The following PKM variants were observed in gnomAD, a reference collection of about 807,000 sequenced individuals.
The protein encoded by PKM is pyruvate kinase M1/2.
Under a neutral mutation model 49.8 loss-of-function variants are expected in PKM, and 18 were observed. The ratio of observed to expected loss-of-function variants is 0.36; its 90% CI spans 0.25 to 0.54. PKM has a LOEUF of 0.54. Ranked by LOEUF, PKM falls within the 20% of genes least tolerant of loss-of-function variation. The pLI is 0.89. For synonymous variants in PKM, 239 were observed against 261.8 expected (o/e 0.91, Z 0.84); for missense variants, 508 against 713.8 (o/e 0.71, Z 3.28).
chr15:72,231,075 C>T, intron 1 of PKM, 41 bp downstream of exon 1: 1 of 635,190 alleles, frequency 1.6e-6, no homozygotes, highest in Non-Finnish European at 2.5e-6. Flanking sequence ...GGCGACTGGC[C>T]CTTGGTGGGG....
At position 72,207,238 on chromosome 15, in the gene PKM, C is replaced by G; in HGVS notation, c.876G>C (p.Val292=). ...TCTCAATGCCTAGATCACCACGAGC[C>G]ACCATGATCCCATCACTGGCCTCCA... ...EILEASDGIM[V]ARGDLGIEIP... is the part of the protein sequence containing the mutation. Residue 292 remains valine, a synonymous_variant, in exon 7 of 11, where the codon GTG becomes GTC. Transcript: ENST00000335181. The G allele has an allele frequency of 6.2e-7, 1 of 1,614,164 alleles. No homozygotes were observed. The highest frequency in any genetic ancestry group is 8.5e-7 in the Non-Finnish European group (1 of 1,180,004).
chr15:72,228,376 C>CTTTTT (rs10656443), intron 1 of PKM, among the ~76,000 whole-genome samples: 5 of 118,842 alleles, frequency 4.2e-5, no homozygotes, highest in Non-Finnish European at 6.6e-5. Context: ...TTAGTTGTGG[C>CTTTTT]TTTTTTTTTT....
intron 6 of PKM, among the ~76,000 whole-genome samples, chr15:72,208,159 C>T (rs1405018808): frequency 6.6e-6 from 1 of 152,130 alleles, no homozygotes; most frequent in Admixed American, 6.6e-5. Flanking sequence ...GACCAGGAGG[C>T]CATAAGCTTT....
intron 3 of PKM, among the ~76,000 whole-genome samples, chr15:72,211,309 C>T (rs147262137): frequency 0.018 from 2,678 of 152,162 alleles, 44 homozygotes; most frequent in African/African-American, 0.038. Flanking sequence ...TCTCGTGATC[C>T]GCCCACCTCG....
chr15:72,208,111 G>A (rs1450342046), intron 6 of PKM, among the ~76,000 whole-genome samples: 1 of 152,188 alleles, frequency 6.6e-6, no homozygotes, highest in Non-Finnish European at 1.5e-5. Flanking sequence ...CCATACCAGA[G>A]TTAGCATGAT....
intron 2 of PKM, 73 bp downstream of exon 2, chr15:72,218,871 A>G: frequency 1.3e-6 from 2 of 1,481,902 alleles, no homozygotes; most frequent in Non-Finnish European, 1.9e-6. Flanking sequence ...TAGGACATTT[A>G]GTTACTCTTT....
At chr15:72,222,996 C>G (rs535924538) in intron 1 of PKM, among the ~76,000 whole-genome samples, 1 of 151,296 alleles carries the variant, frequency 6.6e-6, no homozygotes, top group Non-Finnish European at 1.5e-5. Flanking sequence ...AAATACCCAA[C>G]ACTCCTCCCT....
intron 3 of PKM, among the ~76,000 whole-genome samples, chr15:72,214,935 G>A (rs755476254): frequency 4.6e-5 from 7 of 151,378 alleles, no homozygotes; most frequent in Non-Finnish European, 1.0e-4. Context: ...AAAGAGGGCT[G>A]GGCGTGGTGG....
In PKM at chr15:72,208,927, C is replaced by T. The variant is rs138669807; in HGVS notation, c.566-36G>A. On this transcript the variant is annotated intron_variant, in intron 5 of 10. Coordinates refer to ENST00000335181, the MANE Select transcript of PKM (RefSeq NM_002654.6). Reference sequence around the variant, plus strand: ...AAGGGTAAGTAGGGGAGGCAGAGCACGAGGGCACAGGTCAACAGGAAGCAG... The same window carrying T: ...AAGGGTAAGTAGGGGAGGCAGAGCATGAGGGCACAGGTCAACAGGAAGCAG... 239 of 1,601,176 alleles carry T rather than the reference C, an allele frequency of 1.5e-4. No homozygotes were observed. The South Asian group carries it at 1.8e-3, about 12-fold the overall frequency.
chr15:72,221,314 G>T, intron 1 of PKM: 2 of 1,359,696 alleles, frequency 1.5e-6, no homozygotes, highest in South Asian at 1.3e-5. Context: ...AAAGCTGAGT[G>T]TAACTAAAGC....
chr15:72,199,395 C>A lies in PKM; in HGVS notation c.*255G>T. The A allele has an allele frequency of 1.5e-6, 1 of 670,234 alleles. No individual in the cohort carries two copies. Among genetic ancestry groups the A allele is most frequent in the South Asian group, 1.5e-5 (1 of 66,282 alleles). 41.5% of individuals were successfully genotyped at this position (670,234 alleles called of 1,614,324 possible). A position where few individuals can be genotyped will look rare whatever the true frequency, so the allele number is the denominator to read the frequency against. On this transcript the variant is annotated 3_prime_UTR_variant, in exon 11 of 11. Transcript: ENST00000335181. ...CCCTCTTGCCATCTGGCTCCAGGGG[C>A]CTCCAGTCCAGCATTCCTCCTTCTT...
intron 1 of PKM, among the ~76,000 whole-genome samples, chr15:72,221,722 A>T (rs1232804624): frequency 6.6e-6 from 1 of 152,182 alleles, no homozygotes; most frequent in Non-Finnish European, 1.5e-5. Context: ...CAATTCCATT[A>T]ATCAATTGCT....
rs559511373 is a variant in PKM at position 72,215,016 on chromosome 15, T to C, written c.246+2393A>G. ...AAGTTCAAGACCAGCCTGGCCAACA[T>C]GGCGAAACCCCGTCTCTACTAAAAA... On this transcript the variant is annotated intron_variant, in intron 3 of 10. Transcript: ENST00000335181. Among the ~76,000 whole-genome samples, 6 of 152,098 alleles carry C rather than the reference T, an allele frequency of 3.9e-5. No individual in the cohort carries two copies. The South Asian group carries it at 6.2e-4, about 16-fold the overall frequency.
chr15:72,231,518 C>T (rs1169400469), upstream of PKM: 1 of 152,546 alleles, frequency 6.6e-6, no homozygotes, highest in Non-Finnish European at 1.5e-5. Flanking sequence ...GCCGGGCCAC[C>T]TGTTGCCGCC....
chr15:72,204,707 T>C (rs939931941), intron 8 of PKM: 4 of 152,238 alleles, frequency 2.6e-5, no homozygotes, highest in African/African-American at 9.6e-5. Flanking sequence ...TAATTAAACA[T>C]ATCTAATCCA....
At chr15:72,225,879 T>C (rs1037214861) in intron 1 of PKM, among the ~76,000 whole-genome samples, 1 of 152,228 alleles carries the variant, frequency 6.6e-6, no homozygotes, top group Admixed American at 6.5e-5. Flanking sequence ...TCTTAGGTCA[T>C]GGAGTATGTT....
chr15:72,209,620 G>T, intron 5 of PKM, 53 bp downstream of exon 5: 1 of 1,520,638 alleles, frequency 6.6e-7, no homozygotes, highest in Non-Finnish European at 9.1e-7. Context: ...TGTCAAGGAA[G>T]TTTAGAGACA....
intron 6 of PKM, 96 bp from the exon 7 acceptor site, chr15:72,207,373 T>C (rs1208325627): frequency 9.1e-7 from 1 of 1,099,076 alleles, no homozygotes; most frequent in Non-Finnish European, 1.4e-6. Context: ...CTAACTTAGA[T>C]GTCCTTGTAC....
chr15:72,219,086 G>A lies in PKM; in HGVS notation c.12C>T (p.Pro4=), dbSNP rs1193110338. Residue 4 remains proline, a synonymous_variant, in exon 2 of 11, where the codon CCC becomes CCT. Transcript: ENST00000335181. ...TGAAGGCAGTCCCGGCTTCACTATG[G>A]GGCTTCGACATGGCTGCTGAGGTCC... is the stretch of plus-strand genomic sequence containing the variant. MSK[P]HSEAGTAFIQ... is the part of the protein sequence containing the mutation. The A allele has an allele frequency of 1.9e-6, 3 of 1,613,686 alleles. No individual in the cohort carries two copies. The highest frequency in any genetic ancestry group is 2.5e-6 in the Non-Finnish European group (3 of 1,179,718).
Sources: allele counts gnomAD v4.1 joint callset (sites outside exome capture counted in the v4.1 genomes callset), GRCh38; gene constraint gnomAD v4.1.1; transcripts MANE v1.5; gene names NCBI Gene and HGNC (gene_info 2026-07-23, HGNC 2026-07-21).